BNC2: variants seen among roughly 807,000 people sequenced by gnomAD.
BNC2 encodes the protein zinc finger protein basonuclin-2.
In BNC2, 20 loss-of-function variants were observed where a neutral mutation model predicts 76.3. That is an observed-to-expected ratio of 0.26 (90% confidence interval 0.18 to 0.38). The LOEUF is 0.38. Ranked by LOEUF, BNC2 falls within the 10% of genes least tolerant of loss-of-function variation. BNC2 has a pLI of 1.00. For synonymous variants in BNC2, 582 were observed against 514.8 expected, an observed-to-expected ratio of 1.13 and a Z score of -1.77; for missense variants, 1,382 against 1,399.8, an observed-to-expected ratio of 0.99 and a Z score of 0.20.
At chr9:16,602,802 G>C (rs527547417) in intron 3 of BNC2, among the ~76,000 whole-genome samples, 2 of 152,286 alleles carry the variant, frequency 1.3e-5, no homozygotes, top group African/African-American at 4.8e-5. Flanking sequence ...AGACAGATGG[G>C]AACATTTTTA....
At chr9:16,849,537 T>G (rs138716343) in intron 1 of BNC2, among the ~76,000 whole-genome samples, 33 of 152,022 alleles carry the variant, frequency 2.2e-4, no homozygotes, top group Middle Eastern at 3.4e-3. Flanking sequence ...TTTTGTATTT[T>G]TAGTAGAGAT....
chr9:16,552,427 G>C (rs988928502), intron 5 of BNC2, 103 bp downstream of exon 5: 7 of 944,234 alleles, frequency 7.4e-6, no homozygotes, highest in African/African-American at 6.5e-5. Flanking sequence ...ACTTTAACCA[G>C]AGGAGGGTGT....
chr9:16,492,673 G>A lies in BNC2; in HGVS notation c.670-55149C>T, dbSNP rs78998481. On this transcript the variant is annotated intron_variant, in intron 5 of 6. Coordinates refer to ENST00000380672, the MANE Select transcript of BNC2 (RefSeq NM_017637.6). ...CTTTTAGGAATACAGGTTATGCATC[G>A]AATAAATACCAAAAGCTCCATCCTT... 9.1e-3 allele frequency among the ~76,000 whole-genome samples: 1,380 copies of A among 151,114 alleles called. 19 individuals are homozygous for A. The highest frequency in any genetic ancestry group is 0.032 in the African/African-American group (1,304 of 41,192).
intron 1 of BNC2, among the ~76,000 whole-genome samples, chr9:16,862,712 T>C (rs1819441344): frequency 6.6e-6 from 1 of 152,172 alleles, no homozygotes; most frequent in Non-Finnish European, 1.5e-5. Flanking sequence ...GGGGTTTTCA[T>C]TGCCAGGGGA....
chr9:16,721,264 T>C (rs998243999), intron 3 of BNC2, among the ~76,000 whole-genome samples: 2 of 152,152 alleles, frequency 1.3e-5, no homozygotes, highest in East Asian at 1.9e-4. Context: ...TATTACCCAA[T>C]GTTTTGTTTC....
chr9:16,468,236 T>C (rs1563797513), intron 5 of BNC2, among the ~76,000 whole-genome samples: 1 of 151,904 alleles, frequency 6.6e-6, no homozygotes, highest in Non-Finnish European at 1.5e-5. Flanking sequence ...TCACTTTGAA[T>C]GCTACCTACC....
chr9:16,508,952 C>T (rs1285394909), intron 5 of BNC2, among the ~76,000 whole-genome samples: 1 of 151,960 alleles, frequency 6.6e-6, no homozygotes, highest in East Asian at 1.9e-4. Context: ...TCCCAAGTAG[C>T]TGGGACTACA....
At position 16,751,991 on chromosome 9, in the gene BNC2, T is replaced by C. The variant is rs188089671; in HGVS notation, c.4-13506A>G. ...TTGCAGTGAGCCCAGATCACGCCAC[T>C]GCACTCCAGCCTGGACAACAGAGCA... is the stretch of plus-strand genomic sequence containing the variant. On this transcript the variant is annotated intron_variant, in intron 1 of 6. Transcript: ENST00000380672. Among the ~76,000 whole-genome samples the C allele has an allele frequency of 4.4e-4, 67 of 152,216 alleles. 2 individuals are homozygous for C. The East Asian group carries it at 0.012, about 28-fold the overall frequency.
chr9:16,704,450 A>G (rs1404816615), intron 3 of BNC2, among the ~76,000 whole-genome samples: 1 of 152,088 alleles, frequency 6.6e-6, no homozygotes, highest in African/African-American at 2.4e-5. Context: ...CCACAGCCCA[A>G]ATGACTGCAT....
At chr9:16,766,252 C>G (rs768686371) in intron 1 of BNC2, among the ~76,000 whole-genome samples, 16 of 152,204 alleles carry the variant, frequency 1.1e-4, no homozygotes, top group Non-Finnish European at 2.1e-4. Context: ...ATACTTATCT[C>G]TGCAACCATC....
chr9:16,552,523 T>C lies in BNC2; in HGVS notation c.669+7A>G, dbSNP rs771607946. 1 of 1,613,594 alleles carries C rather than the reference T, an allele frequency of 6.2e-7. No homozygotes were observed. On this transcript the variant is annotated splice_region_variant and intron_variant, in intron 5 of 6. Coordinates refer to ENST00000380672, the MANE Select transcript of BNC2 (RefSeq NM_017637.6). Reference sequence around the variant, plus strand: ...GGACACGGGCGGCGTTCAAGTCCTCTCCCTACCTGAAGGATGTATCCTCGG... The same window carrying C: ...GGACACGGGCGGCGTTCAAGTCCTCCCCCTACCTGAAGGATGTATCCTCGG...
intron 1 of BNC2, among the ~76,000 whole-genome samples, chr9:16,806,876 A>T (rs909996397): frequency 6.6e-6 from 1 of 152,212 alleles, no homozygotes; most frequent in East Asian, 1.9e-4. Context: ...CTCTCTCCCC[A>T]GATTGCCAGC....
At chr9:16,509,117 T>C (rs1323187147) in intron 5 of BNC2, among the ~76,000 whole-genome samples, 4 of 152,132 alleles carry the variant, frequency 2.6e-5, no homozygotes, top group African/African-American at 4.8e-5. Context: ...TAAGCCACCA[T>C]GTTCAGCCAA....
chr9:16,691,718 C>T (rs1253150551), intron 3 of BNC2, among the ~76,000 whole-genome samples: 2 of 151,874 alleles, frequency 1.3e-5, no homozygotes, highest in Non-Finnish European at 2.9e-5. Context: ...ACCACGTTAG[C>T]CAGGATGGTC....
intron 2 of BNC2, among the ~76,000 whole-genome samples, chr9:16,730,478 C>G (rs895497663): frequency 3.9e-5 from 6 of 152,198 alleles, no homozygotes; most frequent in Admixed American, 3.9e-4. Context: ...AGCTCCGTAA[C>G]TAAATGTGAC....
chr9:16,619,795 T>C (rs1351482069), intron 3 of BNC2, among the ~76,000 whole-genome samples: 2 of 152,192 alleles, frequency 1.3e-5, no homozygotes, highest in Non-Finnish European at 2.9e-5. Flanking sequence ...CTAAGGGCAC[T>C]GTATAGATCA....
At chr9:16,739,466 C>T (rs1824778131) in intron 1 of BNC2, among the ~76,000 whole-genome samples, 1 of 152,074 alleles carries the variant, frequency 6.6e-6, no homozygotes, top group Admixed American at 6.6e-5. Context: ...GTCAGGAGTT[C>T]GAGACCATCC....
At chr9:16,810,746 C>G (rs1818026339) in intron 1 of BNC2, among the ~76,000 whole-genome samples, 1 of 152,142 alleles carries the variant, frequency 6.6e-6, no homozygotes, top group East Asian at 1.9e-4. Context: ...GCCAGTGATC[C>G]AAAGAGAAAA....
At chr9:16,639,494 C>CG (rs1821424828) in intron 3 of BNC2, among the ~76,000 whole-genome samples, 1 of 152,126 alleles carries the variant, frequency 6.6e-6, no homozygotes, top group Non-Finnish European at 1.5e-5. Flanking sequence ...CCACTATATT[C>CG]TTTTCTATTA....
Sources: gnomAD v4.1 joint callset for allele counts (sites outside exome capture counted in the v4.1 genomes callset) on GRCh38, gnomAD v4.1.1 for gene constraint, MANE v1.5 for transcripts, NCBI Gene and HGNC (gene_info 2026-07-23, HGNC 2026-07-21) for gene names.